Variants in ADAM23 observed in about 807,000 individuals in gnomAD.
ADAM23 encodes ADAM metallopeptidase domain 23.
A neutral mutation model predicts 120.1 loss-of-function variants in ADAM23; 33 were observed. That is an observed-to-expected ratio of 0.27 (90% CI 0.21 to 0.37). The LOEUF is 0.37. Among genes scored for constraint, ADAM23 ranks in the 10% least tolerant of loss-of-function variants. ADAM23 has a pLI of 1.00. For missense variants in ADAM23, 862 were observed against 1,058.2 expected, an observed-to-expected ratio of 0.81 and a Z score of 2.57; for synonymous variants, 367 against 375.2, an observed-to-expected ratio of 0.98 and a Z score of 0.25.
chr2:206,548,199 A>C (rs1480175095), intron 7 of ADAM23, 82 bp from the exon 8 acceptor site: 3 of 1,288,082 alleles, frequency 2.3e-6, no homozygotes, highest in African/African-American at 2.9e-5. Context: ...TATCAGTGCC[A>C]CTGTTTCTTC....
chr2:206,538,930 T>C (rs1477239423), intron 4 of ADAM23, among the ~76,000 whole-genome samples: 1 of 152,156 alleles, frequency 6.6e-6, no homozygotes, highest in East Asian at 1.9e-4. Context: ...TGTTATTAGA[T>C]TAGTAATACC....
rs776947517 is a variant in ADAM23, at chr2:206,477,490, G to T, written c.433-3742G>T. Among the ~76,000 whole-genome samples, 246 of 152,150 alleles carry T rather than the reference G, an allele frequency of 1.6e-3. 6 individuals are homozygous for T. The highest frequency in any genetic ancestry group is 0.01 in the Middle Eastern group (3 of 294). ...TCTTGTTGTGAAATGATGTTCTTTG[G>T]CTATAAAACCCTGCATTCTTCCCCA... On this transcript the variant is annotated intron_variant, in intron 2 of 25. Coordinates refer to ENST00000264377, the MANE Select transcript of ADAM23 (RefSeq NM_003812.4).
At chr2:206,609,674 T>G in intron 24 of ADAM23, 1 of 447,574 alleles carries the variant, frequency 2.2e-6, no homozygotes, top group Non-Finnish European at 3.9e-6. Context: ...AAAGGTGAAT[T>G]TAATGGAACT....
chr2:206,446,935 T>C (rs117569016), intron 2 of ADAM23, among the ~76,000 whole-genome samples: 2,468 of 152,314 alleles, frequency 0.016, 137 homozygotes, highest in Admixed American at 0.1. Flanking sequence ...TTTTATAGCT[T>C]TCCTTATGAA....
At chr2:206,462,455 T>C (rs986359518) in intron 2 of ADAM23, among the ~76,000 whole-genome samples, 1 of 152,248 alleles carries the variant, frequency 6.6e-6, no homozygotes, top group African/African-American at 2.4e-5. Flanking sequence ...AGGCAAAGAC[T>C]GTATCACACT....
chr2:206,516,325 T>G (rs995556517), intron 3 of ADAM23, among the ~76,000 whole-genome samples: 1 of 151,634 alleles, frequency 6.6e-6, no homozygotes, highest in Non-Finnish European at 1.5e-5. Context: ...TGTAAATGCG[T>G]TTTTTTTCTA....
At chr2:206,494,362 G>T (rs908761017) in intron 3 of ADAM23, among the ~76,000 whole-genome samples, 1 of 152,156 alleles carries the variant, frequency 6.6e-6, no homozygotes, top group Non-Finnish European at 1.5e-5. Context: ...AAAAATGTTT[G>T]CTCTTTAAAG....
At chr2:206,508,363 A>T (rs1696545970) in intron 3 of ADAM23, among the ~76,000 whole-genome samples, 1 of 152,170 alleles carries the variant, frequency 6.6e-6, no homozygotes. Flanking sequence ...AACAGGTCTT[A>T]GAAAAGGCTA....
At chr2:206,489,774 C>T (rs747500295) in intron 3 of ADAM23, among the ~76,000 whole-genome samples, 4 of 152,178 alleles carry the variant, frequency 2.6e-5, no homozygotes, top group Non-Finnish European at 4.4e-5. Context: ...GCTGTGGTCA[C>T]AGCACTGGAC....
chr2:206,571,868 A>G (rs1387307237), intron 17 of ADAM23, 52 bp downstream of exon 17: 1 of 1,501,200 alleles, frequency 6.7e-7, no homozygotes, highest in East Asian at 2.3e-5. Context: ...TTAGCCAGAT[A>G]TCTCAGTGTG....
intron 6 of ADAM23, among the ~76,000 whole-genome samples, chr2:206,544,875 G>A (rs1697363993): frequency 6.6e-6 from 1 of 152,146 alleles, no homozygotes; most frequent in African/African-American, 2.4e-5. Flanking sequence ...TCCACCAAGA[G>A]AAGACAAGTG....
intron 3 of ADAM23, among the ~76,000 whole-genome samples, chr2:206,518,831 C>G (rs900338263): frequency 5.9e-5 from 9 of 152,130 alleles, no homozygotes; most frequent in African/African-American, 2.2e-4. Flanking sequence ...TAGAACTGTT[C>G]TTTCAGCACC....
intron 18 of ADAM23, among the ~76,000 whole-genome samples, chr2:206,586,729 T>C (rs547978055): frequency 6.6e-6 from 1 of 152,344 alleles, no homozygotes; most frequent in African/African-American, 2.4e-5. Flanking sequence ...GAAGTATTTC[T>C]TTAAAAAATG....
Position 206,445,498 on chromosome 2 carries a change from G to A in ADAM23, c.406G>A (p.Ala136Thr). 1.2e-6 allele frequency: 2 copies of A among 1,613,778 alleles called. No individual in the cohort carries two copies. The highest frequency in any genetic ancestry group is 1.7e-6 in the Non-Finnish European group (2 of 1,179,890). Residue 136 changes from alanine to threonine, a missense_variant, in exon 2 of 26, where the codon GCA (alanine) becomes ACA (threonine). Physicochemically the swap from Ala to Thr is moderately conservative, Grantham distance 58. This residue lies in a region of ADAM23 where 225 missense variants were observed against 204.0 expected (regional missense o/e 1.10). Transcript: ENST00000264377. ...ESPYHVLDTKARHQQKHNKAV... is the reference protein window; with the variant it reads ...ESPYHVLDTKTRHQQKHNKAV... Reference sequence around the variant, plus strand: ...CCCTTATCACGTTCTTGACACAAAGGCAAGACACCAGCAAAAACATAATAA... The same window carrying A: ...CCCTTATCACGTTCTTGACACAAAGACAAGACACCAGCAAAAACATAATAA...
In ADAM23 at chr2:206,443,987, A is replaced by C. The variant is rs1695019888; in HGVS notation, c.121A>C (p.Thr41Pro). 2.1e-5 allele frequency: 29 copies of C among 1,380,826 alleles called. No homozygotes were observed. Among genetic ancestry groups the C allele is most frequent in the Non-Finnish European group, 2.7e-5 (29 of 1,063,682 alleles). The allele number at this position is 1,380,826 out of a possible 1,614,324, so 85.5% of individuals were successfully genotyped here. ...GGTGCCTGCCAGCGCCCCGGCCCGC[A>C]CGCCGCCCTGCCGCCTGCTTCTCGT... ...GSVPASAPAR[T>P]PPCRLLLVLL... Residue 41 changes from threonine (T) to proline (P), a missense_variant, in exon 1 of 26, where the codon ACG (threonine) becomes CCG (proline). Coordinates refer to ENST00000264377, the MANE Select transcript of ADAM23 (RefSeq NM_003812.4).
At chr2:206,564,966 T>A (rs1697848569) in intron 13 of ADAM23, 54 bp from the exon 14 acceptor site, 1 of 1,593,896 alleles carries the variant, frequency 6.3e-7, no homozygotes, top group East Asian at 2.2e-5. Flanking sequence ...AAAAAATATG[T>A]GACTTTCTTT....
intron 16 of ADAM23, 131 bp downstream of exon 16, chr2:206,570,942 T>A: frequency 1.4e-6 from 1 of 728,944 alleles, no homozygotes; most frequent in Non-Finnish European, 2.3e-6. Flanking sequence ...GATTAGTGCT[T>A]AATTCAACTC....
At chr2:206,450,257 G>T (rs951007838) in intron 2 of ADAM23, among the ~76,000 whole-genome samples, 1 of 152,180 alleles carries the variant, frequency 6.6e-6, no homozygotes, top group East Asian at 1.9e-4. Context: ...ATGGGGAAAA[G>T]ATTTCCCTTC....
At chr2:206,542,852 T>G (rs1304710546) in intron 5 of ADAM23, among the ~76,000 whole-genome samples, 8 of 152,214 alleles carry the variant, frequency 5.3e-5, no homozygotes, top group Admixed American at 5.2e-4. Flanking sequence ...ATAAAGAATC[T>G]GTTTTCTTAC....
Sources: gnomAD v4.1 joint callset for allele counts (sites outside exome capture counted in the v4.1 genomes callset) on GRCh38, gnomAD v4.1.1 for gene constraint, gnomAD v4.1.1 regional missense constraint, MANE v1.5 for transcripts, NCBI Gene and HGNC (gene_info 2026-07-23, HGNC 2026-07-21) for gene names.